NOP14: variants seen among roughly 807,000 people sequenced by gnomAD.
NOP14 encodes the protein NOP14 nucleolar protein.
Under a neutral mutation model 101.6 loss-of-function variants are expected in NOP14, and 57 were observed. The observed-to-expected ratio is 0.56, with a 90% CI of 0.45 to 0.70. The LOEUF (loss-of-function observed/expected upper bound fraction) is 0.70. Ranked by LOEUF, NOP14 falls within the 30% of genes least tolerant of loss-of-function variation. The pLI, the probability that NOP14 is intolerant of heterozygous loss-of-function variation, is 0.00. For missense variants in NOP14, 1,134 were observed against 1,075.5 expected, an observed-to-expected ratio of 1.05 and a Z score of -0.76; for synonymous variants, 428 against 424.0, an observed-to-expected ratio of 1.01 and a Z score of -0.12.
chr4:2,955,881 C>A (rs909757258), intron 3 of NOP14, among the ~76,000 whole-genome samples: 9 of 152,240 alleles, frequency 5.9e-5, no homozygotes, highest in African/African-American at 2.2e-4. Context: ...CCTTTTACCC[C>A]CTGGATTAGC....
intron 1 of NOP14, among the ~76,000 whole-genome samples, chr4:2,960,399 TG>T: frequency 6.6e-6 from 1 of 152,160 alleles, no homozygotes; most frequent in Non-Finnish European, 1.5e-5. Flanking sequence ...TCTCATTATC[TG>T]GAATATGATT....
At chr4:2,955,568 G>A (rs575746988) in intron 3 of NOP14, among the ~76,000 whole-genome samples, 55 of 146,138 alleles carry the variant, frequency 3.8e-4, no homozygotes, top group African/African-American at 1.3e-3. Flanking sequence ...TGCACGCCAC[G>A]GCGCCCCCTC....
Position 2,955,571 on chromosome 4 carries a change from G to A in NOP14, c.473-1008C>T, listed in dbSNP as rs190950797. Reference sequence around the variant, plus strand: ...CCTCTAGTCACCTGCACGCCACGGCGCCCCCTCTAGTCACCTGCGCCACAG... The same window carrying A: ...CCTCTAGTCACCTGCACGCCACGGCACCCCCTCTAGTCACCTGCGCCACAG... On this transcript the variant is annotated intron_variant, in intron 3 of 17. Coordinates refer to ENST00000416614, the MANE Select transcript of NOP14 (RefSeq NM_001291978.2). Among the ~76,000 whole-genome samples, 260 of 150,962 alleles carry A rather than the reference G, an allele frequency of 1.7e-3. 1 individual carries two copies. Among genetic ancestry groups the A allele is most frequent in the African/African-American group, 6.0e-3 (244 of 40,940 alleles).
intron 4 of NOP14, 104 bp from the exon 5 acceptor site, chr4:2,953,749 G>T: frequency 7.6e-7 from 1 of 1,311,632 alleles, no homozygotes; most frequent in Non-Finnish European, 1.1e-6. Context: ...CACTCAGTTG[G>T]CACCAAACGT....
At chr4:2,955,059 G>C (rs1374039594) in intron 3 of NOP14, among the ~76,000 whole-genome samples, 2 of 136,846 alleles carry the variant, frequency 1.5e-5, no homozygotes, top group East Asian at 2.2e-4. Context: ...CTAGTCACCT[G>C]CACGCCACGG....
rs1488124946 is a variant in NOP14 at position 2,941,738 on chromosome 4, G to A, written c.2052-9C>T. 1.9e-6 allele frequency: 3 copies of A among 1,610,946 alleles called. No individual in the cohort carries two copies. Among genetic ancestry groups the A allele is most frequent in the Non-Finnish European group, 2.5e-6 (3 of 1,179,138 alleles). On this transcript the variant is annotated splice_polypyrimidine_tract_variant and intron_variant, in intron 14 of 17. Coordinates refer to ENST00000416614, the MANE Select transcript of NOP14 (RefSeq NM_001291978.2). ...CAGCCAGGCAGGACAGTCTGTGAGG[G>A]CAGGAGGCAAGAGGAGGTCCAACTT... is the stretch of plus-strand genomic sequence containing the variant.
chr4:2,954,012 G>C (rs1715185490), intron 4 of NOP14, among the ~76,000 whole-genome samples: 1 of 152,158 alleles, frequency 6.6e-6, no homozygotes, highest in African/African-American at 2.4e-5. Context: ...AGAACTGCTT[G>C]AGCCTGGTCG....
At chr4:2,956,538 G>T in intron 3 of NOP14, 132 bp downstream of exon 3, 1 of 842,734 alleles carries the variant, frequency 1.2e-6, no homozygotes, top group Non-Finnish European at 1.7e-6. Context: ...GAAATTTGTA[G>T]AGAGGTTAAT....
At chr4:2,947,170 G>C (rs75816064) in intron 10 of NOP14, 2 of 311,234 alleles carry the variant, frequency 6.4e-6, no homozygotes, top group African/African-American at 2.2e-5. Context: ...TCACTGAAGG[G>C]TGAGGGGCGG....
At chr4:2,954,698 A>T in intron 3 of NOP14, 135 bp from the exon 4 acceptor site, 2 of 1,085,956 alleles carry the variant, frequency 1.8e-6, no homozygotes, top group Non-Finnish European at 2.6e-6. Context: ...GCTCACACGC[A>T]ACAGCCTGGC....
rs1410355747 is a variant in NOP14 at position 2,952,282 on chromosome 4, T to A, written c.863A>T (p.Lys288Met). Residue 288 changes from lysine (K) to methionine (M), a missense_variant, in exon 6 of 18, where the codon AAG becomes ATG. Physicochemically the swap from Lys to Met is moderately conservative, Grantham distance 95 (BLOSUM62 -1). Coordinates refer to ENST00000416614, the MANE Select transcript of NOP14 (RefSeq NM_001291978.2). ...LAKEEQEHLR[K>M]LEAERLRRML... ...GAGGTGCTGCCACCCTACCTCCAGC[T>A]TCCTGAGGTGCTCCTGCTCTTCCTT... is the stretch of plus-strand genomic sequence containing the variant. 6.8e-6 allele frequency: 11 copies of A among 1,613,536 alleles called. No individual in the cohort carries two copies. Among genetic ancestry groups the A allele is most frequent in the Non-Finnish European group, 9.3e-6 (11 of 1,179,784 alleles).
At chr4:2,958,066 A>G (rs567039192) in intron 1 of NOP14, among the ~76,000 whole-genome samples, 3 of 152,274 alleles carry the variant, frequency 2.0e-5, no homozygotes, top group East Asian at 3.9e-4. Context: ...TAAGGTTTAA[A>G]ACGTGCACAT....
intron 10 of NOP14, chr4:2,947,236 A>G: frequency 2.2e-6 from 1 of 464,580 alleles, no homozygotes; most frequent in Non-Finnish European, 3.8e-6. Context: ...GAAACTTACA[A>G]TGAGCCACCC....
chr4:2,952,867 C>A (rs1348580603), intron 5 of NOP14, among the ~76,000 whole-genome samples: 1 of 152,240 alleles, frequency 6.6e-6, no homozygotes, highest in African/African-American at 2.4e-5. Flanking sequence ...CACTTGAACC[C>A]AGGAGGTGGA....
In NOP14 at chr4:2,938,222, T is replaced by C. The variant is rs1713806128; in HGVS notation, c.*609A>G. ...TGGAATCACACCAACATTATAGCAT[T>C]ATTACTCTAAAAAAAATTACTTTTT... is the stretch of plus-strand genomic sequence containing the variant. On this transcript the variant is annotated 3_prime_UTR_variant, in exon 18 of 18. Transcript: ENST00000416614. The C allele has an allele frequency of 1.6e-6, 2 of 1,289,082 alleles. No homozygotes were observed. Among genetic ancestry groups the C allele is most frequent in the Non-Finnish European group, 2.0e-6 (2 of 988,624 alleles). 79.9% of individuals were successfully genotyped at this position (1,289,082 alleles called of 1,614,324 possible).
intron 10 of NOP14, chr4:2,947,216 C>A: frequency 2.3e-6 from 1 of 429,854 alleles, no homozygotes; most frequent in Non-Finnish European, 4.2e-6. Context: ...CGCTCAGTCA[C>A]CCAGAGCTTG....
At position 2,944,214 on chromosome 4, in the gene NOP14, A is replaced by G; in HGVS notation, c.1750T>C (p.Ser584Pro). The change falls in exon 13 of 18, where the codon TCC (serine) becomes CCC (proline). Residue 584 changes from serine to proline, a missense_variant. Coordinates refer to ENST00000416614, the MANE Select transcript of NOP14 (RefSeq NM_001291978.2). ...AGGCCCTTCACCACGTCCTGGAGGG[A>G]CAGGATGGGGCACTGGAAAGGAACA... is the stretch of plus-strand genomic sequence containing the variant. ...SQLLTKCPIL[S>P]LQDVVKGLFV... The G allele has an allele frequency of 6.2e-7, 1 of 1,613,364 alleles. No individual in the cohort carries two copies. Among genetic ancestry groups the G allele is most frequent in the Non-Finnish European group, 8.5e-7 (1 of 1,179,810 alleles).
At chr4:2,948,235 A>G (rs1464536707) in intron 9 of NOP14, 43 bp downstream of exon 9, 12 of 1,555,708 alleles carry the variant, frequency 7.7e-6, no homozygotes, top group Non-Finnish European at 1.0e-5. Flanking sequence ...ATACGGGGCT[A>G]TGCTGACACT....
Position 2,939,524 on chromosome 4 carries a change from C to G in NOP14, c.2318+3G>C, listed in dbSNP as rs1400522873. 3.1e-6 allele frequency: 5 copies of G among 1,613,262 alleles called. No homozygotes were observed. Among genetic ancestry groups the G allele is most frequent in the Non-Finnish European group, 4.2e-6 (5 of 1,179,512 alleles). Reference sequence around the variant, plus strand: ...CTCCCAGGGAGATGCTGCCAGCACCCACACTTTGACCAGCCGGGGTGTGAA... The same window carrying G: ...CTCCCAGGGAGATGCTGCCAGCACCGACACTTTGACCAGCCGGGGTGTGAA... On this transcript the variant is annotated splice_donor_region_variant and intron_variant, in intron 16 of 17. Transcript: ENST00000416614.
Sources: allele counts gnomAD v4.1 joint callset (sites outside exome capture counted in the v4.1 genomes callset), GRCh38; gene constraint gnomAD v4.1.1; transcripts MANE v1.5; gene names NCBI Gene and HGNC (gene_info 2026-07-23, HGNC 2026-07-21).